Variants in CTNNA2 observed in about 807,000 individuals in gnomAD.
CTNNA2 encodes catenin alpha 2, also known as catenin alpha-2.
Under a neutral mutation model 101.0 loss-of-function variants are expected in CTNNA2, and 42 were observed. The observed-to-expected ratio is 0.42, with a 90% CI of 0.32 to 0.54. The LOEUF (loss-of-function observed/expected upper bound fraction) is 0.54, where lower values mean the gene tolerates loss of function less well. Among genes scored for constraint, CTNNA2 ranks in the 20% least tolerant of loss-of-function variants. The pLI is 0.14. For missense variants in CTNNA2, 871 were observed against 1,223.1 expected (o/e 0.71, Z 4.29); for synonymous variants, 450 against 456.4 (o/e 0.99, Z 0.18).
intron 11 of CTNNA2, among the ~76,000 whole-genome samples, chr2:80,551,254 T>C (rs1692532347): frequency 6.6e-6 from 1 of 152,196 alleles, no homozygotes; most frequent in South Asian, 2.1e-4. Context: ...TCAGTCTTCG[T>C]TGTTCCATTT....
At chr2:80,011,380 G>A (rs886988880) in intron 7 of CTNNA2, among the ~76,000 whole-genome samples, 1 of 152,144 alleles carries the variant, frequency 6.6e-6, no homozygotes, top group African/African-American at 2.4e-5. Context: ...GTTGAAGTTG[G>A]AGGCTTGGCC....
At chr2:80,181,349 C>T (rs1257770590) in intron 7 of CTNNA2, among the ~76,000 whole-genome samples, 2 of 152,136 alleles carry the variant, frequency 1.3e-5, no homozygotes, top group African/African-American at 4.8e-5. Flanking sequence ...TTTCCTCTGG[C>T]AGAAGAGACT....
At chr2:80,093,873 T>G (rs1466467350) in intron 7 of CTNNA2, among the ~76,000 whole-genome samples, 1 of 152,050 alleles carries the variant, frequency 6.6e-6, no homozygotes, top group Non-Finnish European at 1.5e-5. Flanking sequence ...TCTTGTAAAT[T>G]TGTTTGAGTT....
chr2:79,391,730 G>A (rs939354395), intron 4 of CTNNA2, among the ~76,000 whole-genome samples: 15 of 152,118 alleles, frequency 9.9e-5, no homozygotes, highest in Non-Finnish European at 2.1e-4. Flanking sequence ...TTCAACAGGT[G>A]GATTTCAAAC....
At chr2:80,432,548 A>G (rs1291943587) in intron 9 of CTNNA2, among the ~76,000 whole-genome samples, 2 of 152,226 alleles carry the variant, frequency 1.3e-5, no homozygotes, top group Non-Finnish European at 2.9e-5. Flanking sequence ...ATATTTTCAC[A>G]TAATACCGGT....
At position 79,376,533 on chromosome 2, in the gene CTNNA2, G is replaced by A. The variant is rs1041851042; in HGVS notation, c.-135+2520G>A. Reference sequence around the variant, plus strand: ...AAGTTTTAGGGTACATGTGCACAACGTGCAGGTTTGTTACGTATGTATACA... The same window carrying A: ...AAGTTTTAGGGTACATGTGCACAACATGCAGGTTTGTTACGTATGTATACA... On this transcript the variant is annotated intron_variant, in intron 4 of 21. Transcript: ENST00000466387. 5.9e-4 allele frequency among the ~76,000 whole-genome samples: 89 copies of A among 151,072 alleles called. No individual in the cohort carries two copies. The Middle Eastern group carries it at 0.01, about 17-fold the overall frequency.
At chr2:80,079,895 T>TAAATA (rs1420907462) in intron 7 of CTNNA2, among the ~76,000 whole-genome samples, 7 of 115,006 alleles carry the variant, frequency 6.1e-5, no homozygotes, top group African/African-American at 1.9e-4. Flanking sequence ...TAAAATAAAA[T>TAAATA]AAATAAAATA....
chr2:80,052,047 G>A (rs1048186911), intron 7 of CTNNA2, among the ~76,000 whole-genome samples: 3 of 152,126 alleles, frequency 2.0e-5, no homozygotes, highest in Non-Finnish European at 2.9e-5. Context: ...AGGACAACAC[G>A]GATACATCAA....
chr2:80,273,485 G>C (rs966458161), intron 7 of CTNNA2, among the ~76,000 whole-genome samples: 1 of 152,092 alleles, frequency 6.6e-6, no homozygotes, highest in Admixed American at 6.6e-5. Context: ...ATTGGATCAT[G>C]TTTAAATCTA....
intron 7 of CTNNA2, among the ~76,000 whole-genome samples, chr2:80,109,243 G>A (rs1296730644): frequency 6.6e-6 from 1 of 152,106 alleles, no homozygotes; most frequent in Admixed American, 6.5e-5. Context: ...GGTGGATCAC[G>A]AGGTTGGGAG....
chr2:79,451,622 C>G (rs1573172191), intron 4 of CTNNA2, among the ~76,000 whole-genome samples: 1 of 151,846 alleles, frequency 6.6e-6, no homozygotes, highest in South Asian at 2.1e-4. Context: ...CTGGGAGAAC[C>G]AGCATTCCTG....
Position 80,043,230 on chromosome 2 carries a change from C to G in CTNNA2, c.1056+133433C>G, listed in dbSNP as rs576298674. Among the ~76,000 whole-genome samples, 400 of 127,308 alleles carry G rather than the reference C, an allele frequency of 3.1e-3. 7 individuals are homozygous for G. The highest frequency in any genetic ancestry group is 0.011 in the African/African-American group (376 of 34,470). The allele number at this position is 127,308 out of a possible 152,430, so 83.5% of individuals were successfully genotyped here. A position where few individuals can be genotyped will look rare whatever the true frequency, so the allele number is the denominator to read the frequency against. ...TCTTTTTTTTTTTTTCAGAGTCTTG[C>G]TCTGTCACCCAGGCTGGAGTGCAGT... On this transcript the variant is annotated intron_variant, in intron 7 of 18. Coordinates refer to ENST00000402739, the MANE Select transcript of CTNNA2 (RefSeq NM_001282597.3).
intron 1 of CTNNA2, among the ~76,000 whole-genome samples, chr2:79,579,104 T>G (rs1490587168): frequency 6.6e-6 from 1 of 151,460 alleles, no homozygotes; most frequent in African/African-American, 2.4e-5. Context: ...CTCCCTTTAT[T>G]CCTTTTTTCC....
chr2:80,012,266 T>C (rs1693844520), intron 7 of CTNNA2, among the ~76,000 whole-genome samples: 1 of 152,220 alleles, frequency 6.6e-6, no homozygotes, highest in African/African-American at 2.4e-5. Context: ...TAGAGTTTCC[T>C]ATTCAAAAGT....
At chr2:79,519,396 G>C (rs1671983829) in intron 1 of CTNNA2, among the ~76,000 whole-genome samples, 1 of 151,708 alleles carries the variant, frequency 6.6e-6, no homozygotes, top group Admixed American at 6.6e-5. Flanking sequence ...TGCTCTCATT[G>C]AGCTAGAGAT....
chr2:80,587,883 G>A (rs1313882776), intron 14 of CTNNA2, among the ~76,000 whole-genome samples: 1 of 152,156 alleles, frequency 6.6e-6, no homozygotes, highest in South Asian at 2.1e-4. Context: ...GTGATACGGT[G>A]ATGACAGACA....
At chr2:79,728,275 T>G (rs554638995) in intron 2 of CTNNA2, among the ~76,000 whole-genome samples, 5,231 of 152,246 alleles carry the variant, frequency 0.034, 283 homozygotes, top group African/African-American at 0.12. Context: ...CCATTCTAAC[T>G]GGTGTGAGAT....
intron 7 of CTNNA2, among the ~76,000 whole-genome samples, chr2:80,011,123 A>G (rs1693745955): frequency 1.3e-5 from 2 of 152,178 alleles, no homozygotes; most frequent in Admixed American, 1.3e-4. Context: ...TACACCCCTC[A>G]AGAGCAAATA....
chr2:80,014,213 C>G (rs1291808210), intron 7 of CTNNA2, among the ~76,000 whole-genome samples: 1 of 152,000 alleles, frequency 6.6e-6, no homozygotes, highest in African/African-American at 2.4e-5. Context: ...TTTTAATAAT[C>G]ATTTTTATAA....
Sources: gnomAD v4.1 joint callset for allele counts (sites outside exome capture counted in the v4.1 genomes callset) on GRCh38, gnomAD v4.1.1 for gene constraint, MANE v1.5 for transcripts, NCBI Gene and HGNC (gene_info 2026-07-23, HGNC 2026-07-21) for gene names.